Variants in IGSF10 observed in about 807,000 individuals in gnomAD.
IGSF10 encodes calvaria mechanical force protein 608.
IGSF10 carries 126 observed loss-of-function variants against 128.2 expected under a neutral mutation model. The observed-to-expected ratio is 0.98, with a 90% CI of 0.85 to 1.14. IGSF10 has a LOEUF of 1.14. Ranked by LOEUF, IGSF10 falls within the 50% of genes most tolerant of loss-of-function variation. The probability of loss-of-function intolerance (pLI) is 0.00; values close to 1 mark genes in which losing one functional copy is unlikely to be tolerated. For synonymous variants in IGSF10, 1,185 were observed against 1,146.2 expected (o/e 1.03, Z -0.68); for missense variants, 3,295 against 3,149.8 (o/e 1.05, Z -1.10).
chr3:151,506,138 A>G, the IGSF10 span, among the ~76,000 whole-genome samples: 1 of 152,136 alleles, frequency 6.6e-6, no homozygotes, highest in Non-Finnish European at 1.5e-5. Context: ...TATTTTCAGT[A>G]GAGACGGGGT....
chr3:151,605,742 T>C, the IGSF10 span, among the ~76,000 whole-genome samples: 1 of 152,238 alleles, frequency 6.6e-6, no homozygotes, highest in African/African-American at 2.4e-5. Context: ...GGTTTTTCCA[T>C]AGTCTATTCT....
the IGSF10 span, among the ~76,000 whole-genome samples, chr3:151,504,660 T>TATCC: frequency 2.0e-5 from 3 of 151,984 alleles, no homozygotes; most frequent in Non-Finnish European, 4.4e-5. Context: ...GCTAGCTGAC[T>TATCC]ATTTTAAGTT....
the IGSF10 span, among the ~76,000 whole-genome samples, chr3:151,518,181 A>C: frequency 2.0e-5 from 3 of 152,022 alleles, no homozygotes; most frequent in African/African-American, 7.2e-5. Flanking sequence ...GACTGTAGTC[A>C]ACTCTTGTGC....
At chr3:151,439,950 G>A (rs1405894748) in intron 7 of IGSF10, among the ~76,000 whole-genome samples, 3 of 152,172 alleles carry the variant, frequency 2.0e-5, no homozygotes, top group South Asian at 2.1e-4. Flanking sequence ...TAAAACGAGA[G>A]GAAAGTAAAA....
the IGSF10 span, among the ~76,000 whole-genome samples, chr3:151,557,750 C>T: frequency 4.6e-5 from 7 of 151,472 alleles, no homozygotes; most frequent in African/African-American, 1.7e-4. Flanking sequence ...CTTAGTTTCC[C>T]TGTGTGCAAA....
chr3:151,437,279 T>C lies in IGSF10; in HGVS notation c.7282A>G (p.Ile2428Val), dbSNP rs139448889. The part of the protein sequence containing the change: ...GYIEKLVILE[I>V]GQKPVILTYA... ...GTAAGAATAACTGGCTTCTGGCCAA[T>C]TTCTAATATGACTAATTTCTCAATA... Residue 2428 changes from isoleucine to valine, a missense_variant, in exon 8 of 8, where the codon ATT (isoleucine) becomes GTT (valine). Transcript: ENST00000282466. 6.8e-6 allele frequency: 11 copies of C among 1,614,050 alleles called. No individual in the cohort carries two copies. Among genetic ancestry groups the C allele is most frequent in the African/African-American group, 4.0e-5 (3 of 74,926 alleles).
chr3:151,441,753 GAAAGC>G (rs1720857572), intron 7 of IGSF10, among the ~76,000 whole-genome samples: 5 of 152,144 alleles, frequency 3.3e-5, no homozygotes, highest in Middle Eastern at 3.4e-3. Flanking sequence ...AATTTATATA[GAAAGC>G]CAGCTATAAA....
chr3:151,613,871 C>T, the IGSF10 span, among the ~76,000 whole-genome samples: 2 of 152,110 alleles, frequency 1.3e-5, no homozygotes, highest in Admixed American at 6.5e-5. Flanking sequence ...AAGAAACTAC[C>T]ATCAGAATGA....
At chr3:151,596,155 G>T in the IGSF10 span, among the ~76,000 whole-genome samples, 12 of 152,094 alleles carry the variant, frequency 7.9e-5, no homozygotes, top group Admixed American at 7.2e-4. Context: ...GCTTTGCTGA[G>T]CCATGGGTGA....
chr3:151,613,211 G>A, the IGSF10 span, among the ~76,000 whole-genome samples: 1,332 of 152,238 alleles, frequency 8.7e-3, 12 homozygotes, highest in Non-Finnish European at 0.012. Context: ...ATGCTCATGG[G>A]TAGGAAGAAT....
the IGSF10 span, among the ~76,000 whole-genome samples, chr3:151,514,639 C>T: frequency 6.6e-6 from 1 of 152,106 alleles, no homozygotes. Context: ...AACTAAAGAG[C>T]TTCTGCACAG....
At chr3:151,574,831 C>A in the IGSF10 span, among the ~76,000 whole-genome samples, 1 of 152,144 alleles carries the variant, frequency 6.6e-6, no homozygotes, top group Non-Finnish European at 1.5e-5. Flanking sequence ...CTTTTCTGCT[C>A]TAGTTTCTCC....
the IGSF10 span, among the ~76,000 whole-genome samples, chr3:151,595,390 C>T: frequency 6.6e-5 from 10 of 151,834 alleles, no homozygotes; most frequent in African/African-American, 2.4e-4. Context: ...TGATGGCTGA[C>T]TGGATAAAGA....
the IGSF10 span, among the ~76,000 whole-genome samples, chr3:151,491,432 G>T: frequency 6.6e-6 from 1 of 152,016 alleles, no homozygotes; most frequent in Non-Finnish European, 1.5e-5. Flanking sequence ...CAAAAAATTA[G>T]CCAGGTGTGG....
intron 5 of IGSF10, among the ~76,000 whole-genome samples, chr3:151,451,726 G>T (rs1284959766): frequency 1.3e-5 from 2 of 152,110 alleles, no homozygotes; most frequent in African/African-American, 4.8e-5. Context: ...TTGGTGCTAT[G>T]ACATATATTA....
At chr3:151,578,813 C>A in the IGSF10 span, among the ~76,000 whole-genome samples, 2,827 of 152,272 alleles carry the variant, frequency 0.019, 91 homozygotes, top group African/African-American at 0.064. Context: ...CAGAAAATTG[C>A]TTTTAGCCAA....
chr3:151,487,733 C>T, the IGSF10 span, among the ~76,000 whole-genome samples: 1 of 152,192 alleles, frequency 6.6e-6, no homozygotes, highest in Non-Finnish European at 1.5e-5. Context: ...ACAAAAACCA[C>T]ATGATTATCT....
At chr3:151,618,189 C>T in the IGSF10 span, among the ~76,000 whole-genome samples, 1 of 152,110 alleles carries the variant, frequency 6.6e-6, no homozygotes, top group South Asian at 2.1e-4. Flanking sequence ...TGGGAGGATA[C>T]AGCAAGATGT....
upstream of IGSF10, chr3:151,461,493 T>G: frequency 1.1e-6 from 1 of 894,970 alleles, no homozygotes; most frequent in African/African-American, 1.8e-5. Flanking sequence ...TGCGTATATT[T>G]AAGGTATACA....
Sources: gnomAD v4.1 joint callset for allele counts (sites outside exome capture counted in the v4.1 genomes callset) on GRCh38, gnomAD v4.1.1 for gene constraint, MANE v1.5 for transcripts, NCBI Gene and HGNC (gene_info 2026-07-23, HGNC 2026-07-21) for gene names.